The following PLPPR1 variants were observed in gnomAD, a reference collection of about 807,000 sequenced individuals.
PLPPR1 encodes phospholipid phosphatase-related protein type 1.
A neutral mutation model predicts 33.1 loss-of-function variants in PLPPR1; 10 were observed. That is an observed-to-expected ratio of 0.30 (90% confidence interval 0.19 to 0.51). The LOEUF (loss-of-function observed/expected upper bound fraction) is 0.51. Ranked by LOEUF, PLPPR1 falls within the 20% of genes least tolerant of loss-of-function variation. The pLI is 0.97. For missense variants in PLPPR1, 304 were observed against 408.1 expected, an observed-to-expected ratio of 0.74 and a Z score of 2.20; for synonymous variants, 151 against 151.0, an observed-to-expected ratio of 1.00 and a Z score of 0.00.
chr9:101,205,890 G>T (rs1826579902), intron 2 of PLPPR1, among the ~76,000 whole-genome samples: 2 of 152,294 alleles, frequency 1.3e-5, no homozygotes, highest in Admixed American at 6.5e-5. Flanking sequence ...AAGAGGTGCT[G>T]CTTACTTAGT....
At chr9:101,167,214 T>TAC (rs745548060) in intron 1 of PLPPR1, among the ~76,000 whole-genome samples, 386 of 26,120 alleles carry the variant, frequency 0.015, 17 homozygotes, top group African/African-American at 0.027. Flanking sequence ...CACACACACA[T>TAC]ACACACACAC....
At chr9:101,284,642 T>C (rs1470905921) in intron 3 of PLPPR1, among the ~76,000 whole-genome samples, 1 of 152,158 alleles carries the variant, frequency 6.6e-6, no homozygotes, top group Non-Finnish European at 1.5e-5. Context: ...TCTGTGTGTG[T>C]CCGAGTTCCT....
intron 1 of PLPPR1, among the ~76,000 whole-genome samples, chr9:101,131,993 C>T (rs1831319665): frequency 6.6e-6 from 1 of 152,176 alleles, no homozygotes. Flanking sequence ...CAGTATCTGG[C>T]TTATAGCAAG....
chr9:101,292,488 G>A (rs1828530582), intron 4 of PLPPR1, among the ~76,000 whole-genome samples: 1 of 152,158 alleles, frequency 6.6e-6, no homozygotes. Context: ...ACACATAATT[G>A]TCAGATTCAC....
At chr9:101,208,333 T>C (rs1826626789) in intron 2 of PLPPR1, among the ~76,000 whole-genome samples, 1 of 152,120 alleles carries the variant, frequency 6.6e-6, no homozygotes, top group African/African-American at 2.4e-5. Context: ...GAGACACACA[T>C]GGAGAATGTC....
At chr9:101,229,656 T>C (rs1245625612) in intron 2 of PLPPR1, among the ~76,000 whole-genome samples, 1 of 151,796 alleles carries the variant, frequency 6.6e-6, no homozygotes, top group Non-Finnish European at 1.5e-5. Context: ...TCTAAAATGC[T>C]GTGTGCATTT....
chr9:101,259,127 C>T (rs190255430), intron 2 of PLPPR1, among the ~76,000 whole-genome samples: 1 of 152,170 alleles, frequency 6.6e-6, no homozygotes, highest in African/African-American at 2.4e-5. Context: ...CACCTATAAA[C>T]AACCACTGAG....
intron 4 of PLPPR1, among the ~76,000 whole-genome samples, chr9:101,308,182 T>G (rs745605501): frequency 6.6e-6 from 1 of 152,298 alleles, no homozygotes; most frequent in Non-Finnish European, 1.5e-5. Context: ...CAGGTGTGGT[T>G]GAAGTTGTGA....
chr9:101,187,734 T>G (rs1292231620), intron 2 of PLPPR1: 2 of 145,068 alleles, frequency 1.4e-5, no homozygotes, highest in African/African-American at 5.7e-5. Flanking sequence ...CTTTTCACTG[T>G]TTTTTTAATT....
At chr9:101,125,299 C>T (rs1175089791) in intron 1 of PLPPR1, 3 of 166,324 alleles carry the variant, frequency 1.8e-5, no homozygotes, top group Non-Finnish European at 3.8e-5. Flanking sequence ...GTACTTGTCT[C>T]TACTTTACTT....
intron 2 of PLPPR1, among the ~76,000 whole-genome samples, chr9:101,231,034 C>G (rs770764294): frequency 1.3e-5 from 2 of 151,844 alleles, no homozygotes; most frequent in Non-Finnish European, 2.9e-5. Context: ...GATATTTGTC[C>G]TCTGTCATAT....
chr9:101,283,215 A>G (rs562507703), intron 3 of PLPPR1, among the ~76,000 whole-genome samples: 1 of 152,328 alleles, frequency 6.6e-6, no homozygotes, highest in East Asian at 1.9e-4. Context: ...GGCCAAAGCA[A>G]TCCTGAGCAA....
intron 1 of PLPPR1, among the ~76,000 whole-genome samples, chr9:101,062,762 G>A (rs1461833425): frequency 6.6e-6 from 1 of 151,964 alleles, no homozygotes; most frequent in South Asian, 2.1e-4. Context: ...CAATTATAAG[G>A]TAAGGCAAAA....
At chr9:101,119,565 G>T (rs1382307987) in intron 1 of PLPPR1, among the ~76,000 whole-genome samples, 1 of 152,200 alleles carries the variant, frequency 6.6e-6, no homozygotes, top group African/African-American at 2.4e-5. Context: ...GAAAGATCAG[G>T]CTGTAGAGAT....
At chr9:101,228,925 T>C (rs1436604194) in intron 2 of PLPPR1, among the ~76,000 whole-genome samples, 4 of 101,224 alleles carry the variant, frequency 4.0e-5, no homozygotes. Context: ...CAAGGAAAGA[T>C]TCCCCCCTCC....
At position 101,152,036 on chromosome 9, in the gene PLPPR1, T is replaced by C. The variant is rs1292065148; in HGVS notation, c.-45-33414T>C. Reference sequence around the variant, plus strand: ...CCAACAGTGTAAAAGTGTTCCTATTTCTCCACATCCTCTCCAGCACCTGTT... The same window carrying C: ...CCAACAGTGTAAAAGTGTTCCTATTCCTCCACATCCTCTCCAGCACCTGTT... On this transcript the variant is annotated intron_variant, in intron 1 of 7. Transcript: ENST00000374874. 2.0e-5 allele frequency among the ~76,000 whole-genome samples: 3 copies of C among 152,258 alleles called. No individual in the cohort carries two copies. The East Asian group carries it at 5.8e-4, about 29-fold the overall frequency.
At chr9:101,072,947 C>T (rs1588016644) in intron 1 of PLPPR1, among the ~76,000 whole-genome samples, 1 of 152,238 alleles carries the variant, frequency 6.6e-6, no homozygotes, top group Admixed American at 6.5e-5. Flanking sequence ...TTTAAGAAAG[C>T]ATGTGTCCAG....
chr9:101,298,480 C>T (rs925310322), intron 4 of PLPPR1, among the ~76,000 whole-genome samples: 2 of 151,956 alleles, frequency 1.3e-5, no homozygotes, highest in African/African-American at 4.8e-5. Flanking sequence ...GAATTGATAC[C>T]CTGGGACGAG....
intron 2 of PLPPR1, among the ~76,000 whole-genome samples, chr9:101,260,352 AG>A (rs1827876861): frequency 6.6e-6 from 1 of 152,084 alleles, no homozygotes. Flanking sequence ...TGGCACGGAG[AG>A]GTTGAGATCC....
Sources: allele counts gnomAD v4.1 joint callset (sites outside exome capture counted in the v4.1 genomes callset), GRCh38; gene constraint gnomAD v4.1.1; transcripts MANE v1.5; gene names NCBI Gene and HGNC (gene_info 2026-07-23, HGNC 2026-07-21).